The following RIMS1 variants were observed in gnomAD, a reference collection of about 807,000 sequenced individuals.
RIMS1 encodes regulating synaptic membrane exocytosis 1.
A neutral mutation model predicts 214.1 loss-of-function variants in RIMS1; 83 were observed. That is an observed-to-expected ratio of 0.39 (90% CI 0.32 to 0.47). The LOEUF is 0.47. RIMS1 is among the 20% of genes least tolerant of loss of function. The pLI, the probability that RIMS1 is intolerant of heterozygous loss-of-function variation, is 0.99. For missense variants in RIMS1, 2,050 were observed against 2,161.8 expected (o/e 0.95, Z 1.03); for synonymous variants, 793 against 786.8 (o/e 1.01, Z -0.13).
At chr6:72,055,166 G>A (rs937184527) in intron 2 of RIMS1, among the ~76,000 whole-genome samples, 46 of 152,078 alleles carry the variant, frequency 3.0e-4, no homozygotes, top group African/African-American at 9.2e-4. Context: ...GAATTGGGGA[G>A]TTCACAGAGG....
At chr6:72,079,912 A>C (rs1205131184) in intron 2 of RIMS1, among the ~76,000 whole-genome samples, 1 of 150,586 alleles carries the variant, frequency 6.6e-6, no homozygotes, top group Non-Finnish European at 1.5e-5. Flanking sequence ...AAAATAAAAT[A>C]GAAAAATGCA....
intron 6 of RIMS1, among the ~76,000 whole-genome samples, chr6:72,197,413 A>G (rs1255526399): frequency 2.0e-5 from 3 of 152,154 alleles, no homozygotes; most frequent in Non-Finnish European, 4.4e-5. Context: ...TTAAAAAACA[A>G]ACAGAACAAA....
chr6:71,961,250 A>C (rs1445898858), intron 1 of RIMS1, among the ~76,000 whole-genome samples: 1 of 152,148 alleles, frequency 6.6e-6, no homozygotes, highest in Non-Finnish European at 1.5e-5. Flanking sequence ...ATGAAAGGTG[A>C]CATTTTGAGA....
chr6:72,340,850 T>C (rs1331945828), intron 29 of RIMS1, among the ~76,000 whole-genome samples: 2 of 152,108 alleles, frequency 1.3e-5, no homozygotes, highest in African/African-American at 4.8e-5. Flanking sequence ...GGGGATGGCA[T>C]TGAATGTATA....
chr6:71,901,712 A>G (rs1368147814), intron 1 of RIMS1, among the ~76,000 whole-genome samples: 2 of 152,146 alleles, frequency 1.3e-5, no homozygotes, highest in African/African-American at 4.8e-5. Flanking sequence ...ATACATATGT[A>G]TGCATTTGTC....
At position 72,189,733 on chromosome 6, in the gene RIMS1, G is replaced by A. The variant is rs191812244; in HGVS notation, c.1678+6584G>A. On this transcript the variant is annotated intron_variant, in intron 6 of 33. Transcript: ENST00000521978. ...GAAGTCCATGTTGCTGAGCCCATGC[G>A]TAACCTCCATTCCTGCCACCATGGC... 7.3e-4 allele frequency among the ~76,000 whole-genome samples: 111 copies of A among 152,360 alleles called. 1 individual carries two copies. Among genetic ancestry groups the A allele is most frequent in the African/African-American group, 2.4e-3 (100 of 41,586 alleles).
chr6:72,376,871 G>C (rs1316055200), intron 29 of RIMS1, among the ~76,000 whole-genome samples: 6 of 152,056 alleles, frequency 3.9e-5, no homozygotes, highest in Admixed American at 3.3e-4. Context: ...TTATGCAACA[G>C]ACTTGTTCTA....
At chr6:72,255,227 T>C (rs534279052) in intron 16 of RIMS1, among the ~76,000 whole-genome samples, 2 of 152,302 alleles carry the variant, frequency 1.3e-5, no homozygotes, top group South Asian at 4.1e-4. Flanking sequence ...GTTAGCACAG[T>C]GCATTCTTAT....
chr6:72,261,234 A>G, intron 19 of RIMS1: 1 of 1,007,560 alleles, frequency 9.9e-7, no homozygotes. Flanking sequence ...TTTGCTTTTG[A>G]TAAAATCTTT....
chr6:72,368,551 C>G (rs767026318), intron 29 of RIMS1, among the ~76,000 whole-genome samples: 1 of 151,738 alleles, frequency 6.6e-6, no homozygotes, highest in African/African-American at 2.4e-5. Flanking sequence ...GCCTCGGCCT[C>G]CACTTTGGGC....
At position 72,008,408 on chromosome 6, in the gene RIMS1, G is replaced by T. The variant is rs896688954; in HGVS notation, c.245+39345G>T. On this transcript the variant is annotated intron_variant, in intron 2 of 33. Transcript: ENST00000521978. The stretch of plus-strand genomic sequence containing the variant: ...AGACCGTCGAGGCTAGGAAGAAACT[G>T]CATCAACTAACGAGCAAAATAACCA... Among the ~76,000 whole-genome samples the T allele has an allele frequency of 2.6e-5, 4 of 152,294 alleles. No individual in the cohort carries two copies. The East Asian group carries it at 7.7e-4, about 29-fold the overall frequency.
intron 4 of RIMS1, among the ~76,000 whole-genome samples, chr6:72,145,891 G>A (rs942342251): frequency 8.5e-5 from 13 of 152,234 alleles, no homozygotes; most frequent in Non-Finnish European, 1.5e-4. Context: ...ATTGTCATAA[G>A]TTAAGAATAC....
rs140598058 is a variant in RIMS1 at position 71,972,420 on chromosome 6, T to C, written c.245+3357T>C. On this transcript the variant is annotated intron_variant, in intron 2 of 33. Coordinates refer to ENST00000521978, the MANE Select transcript of RIMS1 (RefSeq NM_014989.7). Reference sequence around the variant, plus strand: ...GAGTAGGGAAAAAGAAAAAGAGTAGTTGGTAGAGAGACAGGAAGCAGGGTG... The same window carrying C: ...GAGTAGGGAAAAAGAAAAAGAGTAGCTGGTAGAGAGACAGGAAGCAGGGTG... Among the ~76,000 whole-genome samples, 553 of 152,200 alleles carry C rather than the reference T, an allele frequency of 3.6e-3. 3 individuals carry two copies. Among genetic ancestry groups the C allele is most frequent in the African/African-American group, 0.013 (539 of 41,520 alleles).
Position 72,192,281 on chromosome 6 carries a change from T to A in RIMS1, c.1678+9132T>A, listed in dbSNP as rs1375157255. Among the ~76,000 whole-genome samples the A allele has an allele frequency of 2.0e-5, 3 of 152,322 alleles. No individual in the cohort carries two copies. In the East Asian group the frequency reaches 5.8e-4, roughly 29 times the overall value. The stretch of plus-strand genomic sequence containing the variant: ...CAGCTCAGAGCCAGTGTCTGGTAGT[T>A]CCTGAAATGTCTGATCATTTTTTCC... On this transcript the variant is annotated intron_variant, in intron 6 of 33. Coordinates refer to ENST00000521978, the MANE Select transcript of RIMS1 (RefSeq NM_014989.7).
At chr6:72,127,316 T>C (rs1276265238) in intron 4 of RIMS1, among the ~76,000 whole-genome samples, 1 of 152,162 alleles carries the variant, frequency 6.6e-6, no homozygotes, top group East Asian at 1.9e-4. Context: ...GTTTTTTTTT[T>C]CCTCCTTGTG....
rs940355586 is a variant in RIMS1, at chr6:72,061,796, A to G, written c.246-35153A>G. Among the ~76,000 whole-genome samples, 3 of 152,360 alleles carry G rather than the reference A, an allele frequency of 2.0e-5. No individual in the cohort carries two copies. In the South Asian group the frequency reaches 6.2e-4, roughly 32 times the overall value. On this transcript the variant is annotated intron_variant, in intron 2 of 33. Coordinates refer to ENST00000521978, the MANE Select transcript of RIMS1 (RefSeq NM_014989.7). ...TTTTTTTTAATATTTGAAATATGTT[A>G]CCAGTAATTCTAGAAAAGATTTATA...
At chr6:72,168,011 G>A (rs1434633122) in intron 4 of RIMS1, among the ~76,000 whole-genome samples, 1 of 151,970 alleles carries the variant, frequency 6.6e-6, no homozygotes, top group African/African-American at 2.4e-5. Context: ...GAAATGGTAT[G>A]GATAATTTAT....
chr6:72,035,973 A>G (rs1365807493), intron 2 of RIMS1, among the ~76,000 whole-genome samples: 1 of 152,180 alleles, frequency 6.6e-6, no homozygotes, highest in Non-Finnish European at 1.5e-5. Flanking sequence ...AAATTTAACT[A>G]AAGAAGTAGG....
At chr6:71,924,807 CAAAAAAAAAAAA>C (rs10652071) in intron 1 of RIMS1, among the ~76,000 whole-genome samples, 2 of 62,062 alleles carry the variant, frequency 3.2e-5, no homozygotes, top group African/African-American at 1.3e-4. Flanking sequence ...ACCCTGTCTC[CAAAAAAAAAAAA>C]AAAAAAAAAA....
Sources: gnomAD v4.1 joint callset for allele counts (sites outside exome capture counted in the v4.1 genomes callset) on GRCh38, gnomAD v4.1.1 for gene constraint, MANE v1.5 for transcripts, NCBI Gene and HGNC (gene_info 2026-07-23, HGNC 2026-07-21) for gene names.